CATSPERE: variants seen among roughly 807,000 people sequenced by gnomAD.
CATSPERE encodes the protein cation channel sperm-associated auxiliary subunit epsilon.
In CATSPERE, 93 loss-of-function variants were observed where a neutral mutation model predicts 114.1. That is an observed-to-expected ratio of 0.81 (90% CI 0.69 to 0.97). The LOEUF (loss-of-function observed/expected upper bound fraction) is 0.97, where lower values mean the gene tolerates loss of function less well. Among genes scored for constraint, CATSPERE ranks in the 50% least tolerant of loss-of-function variants. The pLI is 0.00. For missense variants in CATSPERE, 1,058 were observed against 1,131.6 expected (o/e 0.93, Z 0.93); for synonymous variants, 341 against 384.1 (o/e 0.89, Z 1.31).
At chr1:244,472,648 A>G (rs1254371606) in intron 2 of CATSPERE, among the ~76,000 whole-genome samples, 1 of 152,170 alleles carries the variant, frequency 6.6e-6, no homozygotes, top group African/African-American at 2.4e-5. Flanking sequence ...ATAATCTGTA[A>G]TTTACATTAG....
intron 17 of CATSPERE, among the ~76,000 whole-genome samples, chr1:244,595,536 T>C (rs1247053530): frequency 1.3e-5 from 2 of 152,046 alleles, no homozygotes; most frequent in Admixed American, 6.5e-5. Context: ...GAGGCAAAAA[T>C]TAGTCATGAA....
intron 8 of CATSPERE, among the ~76,000 whole-genome samples, chr1:244,524,716 C>T (rs911005741): frequency 6.6e-6 from 1 of 150,494 alleles, no homozygotes; most frequent in African/African-American, 2.5e-5. Context: ...GACATTTATG[C>T]AGCCAAAAAC....
At chr1:244,632,578 T>C (rs976156224) in intron 20 of CATSPERE, among the ~76,000 whole-genome samples, 6 of 151,892 alleles carry the variant, frequency 4.0e-5, no homozygotes, top group Admixed American at 6.6e-5. Flanking sequence ...TACCATTAAA[T>C]GGTATACTAT....
intron 20 of CATSPERE, among the ~76,000 whole-genome samples, chr1:244,625,406 T>TATTAA (rs74162779): frequency 2.3e-4 from 3 of 12,870 alleles, no homozygotes; most frequent in Non-Finnish European, 4.1e-4. Context: ...TTATTATTAT[T>TATTAA]TATATATATA....
chr1:244,515,799 ATTG>A lies in CATSPERE; in HGVS notation c.430-2790_430-2788del, dbSNP rs568627779. On this transcript the variant is annotated intron_variant, in intron 7 of 21. Coordinates refer to ENST00000366534, the MANE Select transcript of CATSPERE (RefSeq NM_001130957.2). ...ATATGTTGATACAACTAGAAAAATT[ATTG>A]TTATTTTTAATAACAATACTATTAT... is the stretch of plus-strand genomic sequence containing the variant. Among the ~76,000 whole-genome samples the A allele has an allele frequency of 5.9e-3, 894 of 151,750 alleles. 10 individuals are homozygous for A. The highest frequency in any genetic ancestry group is 0.019 in the African/African-American group (791 of 41,482).
At chr1:244,452,211 T>G, upstream of CATSPERE, 1 of 161,044 alleles carries the variant, frequency 6.2e-6, no homozygotes, top group Non-Finnish European at 1.3e-5. Context: ...CTACCCGCTC[T>G]ACCTCTCGCT....
intron 8 of CATSPERE, among the ~76,000 whole-genome samples, chr1:244,524,409 A>G (rs970049642): frequency 1.3e-5 from 2 of 150,476 alleles, no homozygotes; most frequent in African/African-American, 2.5e-5. Context: ...AGGCATTACC[A>G]TTCAGGACAT....
chr1:244,606,628 G>A (rs1242738843), intron 18 of CATSPERE, among the ~76,000 whole-genome samples: 1 of 126,798 alleles, frequency 7.9e-6, no homozygotes, highest in Non-Finnish European at 1.6e-5. Flanking sequence ...TTTTTTAAGA[G>A]TCTCGCTCTG....
rs540228836 is a variant in CATSPERE at position 244,594,179 on chromosome 1, G to C, written c.2303+601G>C. Among the ~76,000 whole-genome samples the C allele has an allele frequency of 2.0e-5, 3 of 152,200 alleles. No homozygotes were observed. The South Asian group carries it at 6.2e-4, about 32-fold the overall frequency. The stretch of plus-strand genomic sequence containing the variant: ...TACAAAAATTAAAATAATTAGCCAG[G>C]CATGGTGGTGTGTGCCTGTGGTCCC... On this transcript the variant is annotated intron_variant, in intron 17 of 21. Transcript: ENST00000366534.
chr1:244,487,457 C>T (rs1054070056), intron 5 of CATSPERE, among the ~76,000 whole-genome samples: 1 of 152,138 alleles, frequency 6.6e-6, no homozygotes, highest in Non-Finnish European at 1.5e-5. Context: ...GCAGCCTCTA[C>T]ACTGGGCCAT....
intron 21 of CATSPERE, 84 bp downstream of exon 21, chr1:244,635,626 C>T (rs1674539140): frequency 8.8e-6 from 9 of 1,026,388 alleles, no homozygotes; most frequent in South Asian, 2.7e-5. Flanking sequence ...ACCTCTCCCC[C>T]GTGTCTCCCA....
At chr1:244,541,898 A>G (rs1658822462) in intron 8 of CATSPERE, among the ~76,000 whole-genome samples, 1 of 142,274 alleles carries the variant, frequency 7.0e-6, no homozygotes, top group African/African-American at 2.6e-5. Flanking sequence ...TCAGTAAACT[A>G]TCGCAAGAAC....
intron 1 of CATSPERE, 138 bp from the exon 2 acceptor site, chr1:244,463,770 T>A (rs1667172192): frequency 4.2e-6 from 3 of 720,132 alleles, no homozygotes; most frequent in South Asian, 3.5e-5. Context: ...ATTTTAGCCC[T>A]GAGTTGCTGT....
chr1:244,506,481 A>G (rs1440916391), intron 7 of CATSPERE, among the ~76,000 whole-genome samples: 1 of 152,230 alleles, frequency 6.6e-6, no homozygotes, highest in African/African-American at 2.4e-5. Context: ...ACCATTTTCC[A>G]TAGCACCTCC....
At chr1:244,602,061 T>C (rs1286453187) in intron 17 of CATSPERE, among the ~76,000 whole-genome samples, 1 of 150,876 alleles carries the variant, frequency 6.6e-6, no homozygotes, top group African/African-American at 2.4e-5. Flanking sequence ...AAGGGGCAGA[T>C]GAGAGGACAA....
chr1:244,617,693 A>G lies in CATSPERE; in HGVS notation c.2648+7A>G. ...TCCTGGATCCAAACTATAGGTGAATATATGTGTTACTGTAATAGTGTTAGC... is the reference window on the plus strand; with the variant it reads ...TCCTGGATCCAAACTATAGGTGAATGTATGTGTTACTGTAATAGTGTTAGC... On this transcript the variant is annotated splice_region_variant and intron_variant, in intron 20 of 21. Coordinates refer to ENST00000366534, the MANE Select transcript of CATSPERE (RefSeq NM_001130957.2). 4.6e-6 allele frequency: 7 copies of G among 1,529,018 alleles called. No homozygotes were observed. Among genetic ancestry groups the G allele is most frequent in the Middle Eastern group, 1.7e-4 (1 of 5,940 alleles). The allele number at this position is 1,529,018 out of a possible 1,614,324, so 94.7% of individuals were successfully genotyped here. A position where few individuals can be genotyped will look rare whatever the true frequency, so the allele number is the denominator to read the frequency against.
chr1:244,518,296 T>C (rs1676965596), intron 7 of CATSPERE, among the ~76,000 whole-genome samples: 1 of 152,202 alleles, frequency 6.6e-6, no homozygotes, highest in African/African-American at 2.4e-5. Context: ...TTCATGGAGA[T>C]TAACACTAGG....
chr1:244,497,650 A>T (rs531137627), intron 6 of CATSPERE, among the ~76,000 whole-genome samples: 13 of 152,282 alleles, frequency 8.5e-5, no homozygotes, highest in African/African-American at 3.1e-4. Flanking sequence ...TATAAAAAAT[A>T]GCCGGGCATG....
intron 8 of CATSPERE, among the ~76,000 whole-genome samples, chr1:244,533,911 A>G (rs1679983840): frequency 6.6e-6 from 1 of 152,044 alleles, no homozygotes; most frequent in Non-Finnish European, 1.5e-5. Context: ...TTTAAATTCA[A>G]TAACTCCCTT....
Sources: gnomAD v4.1 joint callset for allele counts (sites outside exome capture counted in the v4.1 genomes callset) on GRCh38, gnomAD v4.1.1 for gene constraint, MANE v1.5 for transcripts, NCBI Gene and HGNC (gene_info 2026-07-23, HGNC 2026-07-21) for gene names.